Variants in DLGAP1 observed in about 807,000 individuals in gnomAD.
The protein encoded by DLGAP1 is disks large-associated protein 1.
A neutral mutation model predicts 90.8 loss-of-function variants in DLGAP1; 11 were observed. That is an observed-to-expected ratio of 0.12 (90% CI 0.08 to 0.20). The LOEUF (loss-of-function observed/expected upper bound fraction) is 0.20, where lower values mean the gene tolerates loss of function less well. DLGAP1 is among the 10% of genes least tolerant of loss of function. DLGAP1 has a pLI of 1.00. For missense variants in DLGAP1, 1,050 were observed against 1,333.8 expected (o/e 0.79, Z 3.31); for synonymous variants, 558 against 540.7 (o/e 1.03, Z -0.44).
intron 7 of DLGAP1, among the ~76,000 whole-genome samples, chr18:3,718,528 C>T (rs2061841287): frequency 6.6e-6 from 1 of 152,062 alleles, no homozygotes; most frequent in East Asian, 1.9e-4. Context: ...AACTATCCAC[C>T]TCTAAGGAAA....
At chr18:4,053,416 C>T (rs1244727990) in intron 2 of DLGAP1, among the ~76,000 whole-genome samples, 4 of 152,086 alleles carry the variant, frequency 2.6e-5, no homozygotes, top group Non-Finnish European at 5.9e-5. Flanking sequence ...GGTAACTGCC[C>T]CCATGATGCA....
intron 1 of DLGAP1, among the ~76,000 whole-genome samples, chr18:4,231,382 G>A (rs544292659): frequency 6.6e-6 from 1 of 152,256 alleles, no homozygotes; most frequent in East Asian, 1.9e-4. Context: ...AGGACAGCCT[G>A]CCAAGCTAGC....
At chr18:3,809,729 G>C (rs2066736525) in intron 5 of DLGAP1, among the ~76,000 whole-genome samples, 1 of 152,200 alleles carries the variant, frequency 6.6e-6, no homozygotes, top group Non-Finnish European at 1.5e-5. Flanking sequence ...AGGATTAACA[G>C]ATATTTGAAT....
At chr18:3,623,562 C>G (rs899406215) in intron 7 of DLGAP1, among the ~76,000 whole-genome samples, 3 of 151,794 alleles carry the variant, frequency 2.0e-5, no homozygotes, top group African/African-American at 7.3e-5. Flanking sequence ...CTGAGGCGGG[C>G]GGATCACCTG....
intron 2 of DLGAP1, among the ~76,000 whole-genome samples, chr18:4,092,929 C>T (rs979258975): frequency 6.6e-6 from 1 of 152,158 alleles, no homozygotes; most frequent in Non-Finnish European, 1.5e-5. Context: ...TAGCTGATTT[C>T]TTCTTTTAAC....
intron 1 of DLGAP1, among the ~76,000 whole-genome samples, chr18:4,323,854 T>A (rs1365621650): frequency 6.6e-6 from 1 of 152,082 alleles, no homozygotes; most frequent in African/African-American, 2.4e-5. Flanking sequence ...TACCAGAATC[T>A]CTGGGACACA....
At chr18:4,365,747 A>G (rs1165948743) in intron 1 of DLGAP1, among the ~76,000 whole-genome samples, 2 of 152,168 alleles carry the variant, frequency 1.3e-5, no homozygotes, top group African/African-American at 4.8e-5. Context: ...AAAATTGTGT[A>G]GGCAATAAAA....
intron 3 of DLGAP1, chr18:3,892,134 CACACACACACACACACA>C (rs1450402316): frequency 1.5e-5 from 2 of 133,882 alleles, no homozygotes; most frequent in East Asian, 4.0e-4. Context: ...CACACACACA[CACACACACACACACACA>C]CACACACACA....
intron 2 of DLGAP1, among the ~76,000 whole-genome samples, chr18:4,028,324 C>T (rs1276288010): frequency 1.3e-5 from 2 of 152,100 alleles, no homozygotes; most frequent in African/African-American, 4.8e-5. Context: ...ACATAATAGA[C>T]CATAAAAGTG....
At chr18:3,531,729 C>T (rs1262284776) in intron 10 of DLGAP1, among the ~76,000 whole-genome samples, 5 of 151,594 alleles carry the variant, frequency 3.3e-5, no homozygotes, top group Admixed American at 1.3e-4. Flanking sequence ...GTGATCTACC[C>T]GCCTCAGCCT....
At chr18:3,822,282 T>G (rs2067464710) in intron 4 of DLGAP1, among the ~76,000 whole-genome samples, 1 of 152,222 alleles carries the variant, frequency 6.6e-6, no homozygotes, top group Non-Finnish European at 1.5e-5. Flanking sequence ...ATAACATTTT[T>G]AAATGATCTT....
chr18:3,891,700 G>A (rs1264692184), intron 3 of DLGAP1, among the ~76,000 whole-genome samples: 5 of 152,138 alleles, frequency 3.3e-5, no homozygotes, highest in Non-Finnish European at 1.5e-5. Flanking sequence ...ATATGGTACG[G>A]ACTAGTCTCT....
intron 7 of DLGAP1, among the ~76,000 whole-genome samples, chr18:3,690,096 T>G (rs9965675): frequency 0.091 from 3,451 of 37,940 alleles, 114 homozygotes; most frequent in East Asian, 0.16. Flanking sequence ...TGGGTGAGGT[T>G]TTTTTTTTTT....
chr18:4,064,906 G>A (rs1348541653), intron 2 of DLGAP1, among the ~76,000 whole-genome samples: 1 of 152,108 alleles, frequency 6.6e-6, no homozygotes, highest in Non-Finnish European at 1.5e-5. Context: ...TATCCTTGAA[G>A]AACATTGATG....
At chr18:3,534,813 T>C (rs2144505542) in intron 9 of DLGAP1, among the ~76,000 whole-genome samples, 198 bp from the exon 10 acceptor site, 1 of 150,930 alleles carries the variant, frequency 6.6e-6, no homozygotes, top group East Asian at 2.0e-4. Flanking sequence ...CACCTCAGCC[T>C]CCCGAGTAGC....
chr18:3,623,540 C>T (rs1237842691), intron 7 of DLGAP1, among the ~76,000 whole-genome samples: 2 of 152,122 alleles, frequency 1.3e-5, no homozygotes, highest in African/African-American at 4.8e-5. Context: ...GTAATCCCAG[C>T]ACTTTGGGAG....
intron 7 of DLGAP1, among the ~76,000 whole-genome samples, chr18:3,683,812 G>A (rs1349467924): frequency 6.6e-6 from 1 of 152,162 alleles, no homozygotes; most frequent in African/African-American, 2.4e-5. Context: ...TTAGTGTTTG[G>A]GAGGGAGTGT....
intron 1 of DLGAP1, among the ~76,000 whole-genome samples, chr18:4,310,674 G>C (rs1004100460): frequency 2.0e-5 from 3 of 152,170 alleles, no homozygotes; most frequent in South Asian, 4.1e-4. Context: ...ATTGTATCCT[G>C]TGTTTAGTTG....
chr18:4,142,448 C>A (rs2076510278), intron 2 of DLGAP1, among the ~76,000 whole-genome samples: 1 of 152,134 alleles, frequency 6.6e-6, no homozygotes, highest in Non-Finnish European at 1.5e-5. Context: ...CTTGAGACAG[C>A]CTCATCTGTA....
Sources: gnomAD v4.1 joint callset for allele counts (sites outside exome capture counted in the v4.1 genomes callset) on GRCh38, gnomAD v4.1.1 for gene constraint, MANE v1.5 for transcripts, NCBI Gene and HGNC (gene_info 2026-07-23, HGNC 2026-07-21) for gene names.